The following DMXL2 variants were observed in gnomAD, a reference collection of about 807,000 sequenced individuals.
DMXL2 encodes the protein Dmx like 2.
DMXL2 carries 103 observed loss-of-function variants against 331.1 expected under a neutral mutation model. The observed-to-expected ratio is 0.31, with a 90% CI of 0.27 to 0.37. The LOEUF (loss-of-function observed/expected upper bound fraction) is 0.37. Ranked by LOEUF, DMXL2 falls within the 10% of genes least tolerant of loss-of-function variation. The pLI, the probability that DMXL2 is intolerant of heterozygous loss-of-function variation, is 1.00. For missense variants in DMXL2, 3,171 were observed against 3,642.9 expected (o/e 0.87, Z 3.33); for synonymous variants, 1,281 against 1,252.1 (o/e 1.02, Z -0.49).
intron 40 of DMXL2, chr15:51,454,190 A>G (rs1420831191): frequency 6.6e-6 from 1 of 152,424 alleles, no homozygotes. Context: ...ACACATAATT[A>G]AGAACATATG....
chr15:51,482,257 T>C (rs1251812112), intron 23 of DMXL2, among the ~76,000 whole-genome samples: 2 of 152,048 alleles, frequency 1.3e-5, no homozygotes, highest in Non-Finnish European at 2.9e-5. Flanking sequence ...GAATGTACCA[T>C]AAAACAAAAA....
At chr15:51,611,316 C>T (rs550234423) in intron 1 of DMXL2, among the ~76,000 whole-genome samples, 19 of 151,926 alleles carry the variant, frequency 1.3e-4, no homozygotes, top group East Asian at 3.9e-4. Flanking sequence ...ATTAAGAGGC[C>T]GCTGTGAACA....
intron 24 of DMXL2, 128 bp downstream of exon 24, chr15:51,480,414 A>T: frequency 5.1e-6 from 6 of 1,183,556 alleles, no homozygotes; most frequent in Non-Finnish European, 6.8e-6. Context: ...TCTGCCTCCT[A>T]TAAAGAGAGG....
At chr15:51,534,064 A>T (rs1047021125) in intron 13 of DMXL2, among the ~76,000 whole-genome samples, 1 of 152,202 alleles carries the variant, frequency 6.6e-6, no homozygotes, top group African/African-American at 2.4e-5. Context: ...AGAATGGAGA[A>T]GACAAGGTTT....
chr15:51,565,051 T>C, intron 4 of DMXL2, 37 bp downstream of exon 4: 1 of 1,175,122 alleles, frequency 8.5e-7, no homozygotes. Flanking sequence ...AAAACAAATA[T>C]TTAATTTAAA....
intron 28 of DMXL2, 64 bp from the exon 29 acceptor site, chr15:51,471,465 A>C: frequency 9.6e-6 from 14 of 1,453,956 alleles, no homozygotes; most frequent in Non-Finnish European, 1.3e-5. Flanking sequence ...TGATAGAGTT[A>C]AGCTTTCTTT....
intron 26 of DMXL2, among the ~76,000 whole-genome samples, chr15:51,477,068 C>T (rs1005597024): frequency 3.3e-5 from 5 of 151,992 alleles, no homozygotes; most frequent in African/African-American, 1.2e-4. Context: ...TACTAGGATA[C>T]AGTAGGCAGA....
Position 51,471,395 on chromosome 15 carries a change from G to A in DMXL2, c.7220C>T (p.Pro2407Leu), listed in dbSNP as rs144657780. ...RRQSENISAP[P>L]VLSEDIDKHR... ...TTTATCTATGTCTTCAGAAAGGACA[G>A]GAGGTGCTAAATGAAGATAGAAGGA... Residue 2407 changes from proline (P) to leucine (L), a missense_variant, in exon 29 of 44, where the codon CCT (proline) becomes CTT (leucine). This residue lies in a region of DMXL2 where 766 missense variants were observed against 940.5 expected (regional missense o/e 0.81). Transcript: ENST00000560891. 6.3e-7 allele frequency: 1 copy of A among 1,594,840 alleles called. No homozygotes were observed. The highest frequency in any genetic ancestry group is 8.6e-7 in the Non-Finnish European group (1 of 1,169,356).
At chr15:51,455,024 G>A (rs1432170956) in intron 40 of DMXL2, 127 bp downstream of exon 40, 2 of 734,942 alleles carry the variant, frequency 2.7e-6, no homozygotes, top group Non-Finnish European at 4.8e-6. Context: ...CTGCTGTCAG[G>A]CTGGGATTGC....
chr15:51,612,078 C>T (rs1424742675), intron 1 of DMXL2, among the ~76,000 whole-genome samples: 2 of 152,130 alleles, frequency 1.3e-5, no homozygotes, highest in Non-Finnish European at 2.9e-5. Flanking sequence ...CGAAGGTCTG[C>T]GGCTCCATTC....
At chr15:51,604,705 C>T (rs776304225) in intron 1 of DMXL2, among the ~76,000 whole-genome samples, 2 of 152,050 alleles carry the variant, frequency 1.3e-5, no homozygotes, top group Non-Finnish European at 2.9e-5. Flanking sequence ...CAAGTTCATT[C>T]CCAGTAGGAT....
intron 28 of DMXL2, among the ~76,000 whole-genome samples, chr15:51,473,798 G>A (rs1391258674): frequency 1.3e-5 from 2 of 152,072 alleles, no homozygotes; most frequent in African/African-American, 2.4e-5. Context: ...CAAGGAAAAT[G>A]GAATAATACT....
intron 13 of DMXL2, among the ~76,000 whole-genome samples, chr15:51,534,504 T>C (rs973472121): frequency 1.3e-5 from 2 of 152,218 alleles, no homozygotes; most frequent in African/African-American, 4.8e-5. Flanking sequence ...TAGAATGAGC[T>C]GCATTTAGAG....
chr15:51,559,438 G>A (rs958460819), intron 6 of DMXL2, among the ~76,000 whole-genome samples: 7 of 152,186 alleles, frequency 4.6e-5, no homozygotes, highest in Non-Finnish European at 1.0e-4. Flanking sequence ...AAGGAGGCCA[G>A]GCACAGTGGC....
intron 1 of DMXL2, among the ~76,000 whole-genome samples, chr15:51,593,230 C>A (rs946453162): frequency 6.6e-6 from 1 of 151,968 alleles, no homozygotes; most frequent in Admixed American, 6.6e-5. Context: ...ATCTACCAAG[C>A]AAATAGAAAA....
intron 15 of DMXL2, among the ~76,000 whole-genome samples, chr15:51,511,723 A>T (rs1428616059): frequency 6.6e-6 from 1 of 152,234 alleles, no homozygotes. Context: ...TCATTCTACC[A>T]TAAAGACACA....
At chr15:51,507,101 G>C in intron 16 of DMXL2, 33 bp downstream of exon 16, 1 of 1,474,926 alleles carries the variant, frequency 6.8e-7, no homozygotes, top group South Asian at 1.4e-5. Context: ...AATTTGTTAT[G>C]TATCATCTCT....
At chr15:51,572,617 G>T (rs1423673190) in intron 2 of DMXL2, among the ~76,000 whole-genome samples, 1 of 152,138 alleles carries the variant, frequency 6.6e-6, no homozygotes, top group Non-Finnish European at 1.5e-5. Flanking sequence ...CCTGGGATAA[G>T]AAGCTGGTTC....
At chr15:51,475,397 G>T (rs1451183381) in intron 27 of DMXL2, among the ~76,000 whole-genome samples, 1 of 152,174 alleles carries the variant, frequency 6.6e-6, no homozygotes, top group African/African-American at 2.4e-5. Flanking sequence ...AGGAGGCTGA[G>T]ACAGGAGAAT....
Sources: allele counts gnomAD v4.1 joint callset (sites outside exome capture counted in the v4.1 genomes callset), GRCh38; gene constraint gnomAD v4.1.1; regional missense constraint gnomAD v4.1.1; transcripts MANE v1.5; gene names NCBI Gene and HGNC (gene_info 2026-07-23, HGNC 2026-07-21).